Variants in SMC1B observed in about 807,000 individuals in gnomAD.
The protein encoded by SMC1B is structural maintenance of chromosomes protein 1B.
In SMC1B, 60 loss-of-function variants were observed where a neutral mutation model predicts 157.9. The ratio of observed to expected loss-of-function variants is 0.38; its 90% CI spans 0.31 to 0.47. The LOEUF is 0.47. Ranked by LOEUF, SMC1B falls within the 20% of genes least tolerant of loss-of-function variation. SMC1B has a pLI of 0.99. For synonymous variants in SMC1B, 445 were observed against 483.0 expected (o/e 0.92, Z 1.03); for missense variants, 1,165 against 1,426.2 (o/e 0.82, Z 2.95).
chr22:45,368,722 G>T (rs567400442), intron 15 of SMC1B, among the ~76,000 whole-genome samples: 1 of 115,996 alleles, frequency 8.6e-6, no homozygotes, highest in East Asian at 2.5e-4. Context: ...TTACCATCTT[G>T]GCCAGGCTGG....
rs559398011 is a variant in SMC1B, at chr22:45,407,270, C to G, written c.299-405G>C. Reference sequence around the variant, plus strand: ...AACAGCAACAAAAACTGCATGCCTCCCTCACAATTTACCCACAGGGAAATT... The same window carrying G: ...AACAGCAACAAAAACTGCATGCCTCGCTCACAATTTACCCACAGGGAAATT... On this transcript the variant is annotated intron_variant, in intron 2 of 24. Coordinates refer to ENST00000357450, the MANE Select transcript of SMC1B (RefSeq NM_148674.5). Among the ~76,000 whole-genome samples the G allele has an allele frequency of 3.3e-5, 5 of 152,242 alleles. No homozygotes were observed. The South Asian group carries it at 8.3e-4, about 25-fold the overall frequency.
rs746592181 is a variant in SMC1B, at chr22:45,361,863, C to T, written c.2684G>A (p.Arg895Gln). The stretch of plus-strand genomic sequence containing the variant: ...CCTATCAACAGCCAGAAACTTCTTC[C>T]GTTCCTCTTCAATTTGAGTTTGAAC... ...EKVQTQIEEE[R>Q]KKFLAVDREV... Residue 895 changes from arginine (R) to glutamine (Q), a missense_variant, in exon 17 of 25, where the codon CGG (arginine) becomes CAG (glutamine). Arg to Gln is a conservative substitution (Grantham distance 43). Coordinates refer to ENST00000357450, the MANE Select transcript of SMC1B (RefSeq NM_148674.5). The T allele has an allele frequency of 1.4e-5, 23 of 1,613,810 alleles. No individual in the cohort carries two copies. Among genetic ancestry groups the T allele is most frequent in the Middle Eastern group, 1.6e-4 (1 of 6,084 alleles).
chr22:45,358,102 C>T (rs887960636), intron 19 of SMC1B, among the ~76,000 whole-genome samples: 1 of 152,332 alleles, frequency 6.6e-6, no homozygotes, highest in Non-Finnish European at 1.5e-5. Context: ...TTGGTGACCA[C>T]ACAAGAGATG....
chr22:45,395,242 G>A (rs2087109754), intron 7 of SMC1B, among the ~76,000 whole-genome samples: 3 of 152,162 alleles, frequency 2.0e-5, no homozygotes, highest in Admixed American at 1.3e-4. Context: ...GTGGTTTTGT[G>A]TTATAATAAT....
intron 4 of SMC1B, among the ~76,000 whole-genome samples, chr22:45,405,362 C>T (rs768034071): frequency 1.3e-5 from 2 of 151,792 alleles, no homozygotes; most frequent in Non-Finnish European, 2.9e-5. Flanking sequence ...AGAATGAGAC[C>T]ACGGTGAAAC....
At chr22:45,398,169 C>T (rs1276578022) in intron 6 of SMC1B, among the ~76,000 whole-genome samples, 1 of 152,200 alleles carries the variant, frequency 6.6e-6, no homozygotes, top group Non-Finnish European at 1.5e-5. Flanking sequence ...CTGTAACACC[C>T]CCTCTGGGGC....
intron 2 of SMC1B, among the ~76,000 whole-genome samples, chr22:45,408,074 C>A (rs543851892): frequency 6.6e-6 from 1 of 152,186 alleles, no homozygotes; most frequent in South Asian, 2.1e-4. Flanking sequence ...ACATAAAGAA[C>A]CTCAAGAATA....
intron 5 of SMC1B, among the ~76,000 whole-genome samples, chr22:45,401,845 G>T (rs1033871323): frequency 2.2e-5 from 2 of 91,594 alleles, no homozygotes; most frequent in East Asian, 7.1e-4. Context: ...ATGAACCTCG[G>T]GTATTACCCC....
chr22:45,398,051 C>T (rs1602090863), intron 6 of SMC1B, among the ~76,000 whole-genome samples: 1 of 152,154 alleles, frequency 6.6e-6, no homozygotes, highest in Non-Finnish European at 1.5e-5. Context: ...GCCGAGCAAG[C>T]CCCAGAGCTG....
Position 45,362,899 on chromosome 22 carries a change from C to T in SMC1B, c.2548G>A (p.Asp850Asn). The T allele has an allele frequency of 6.3e-7, 1 of 1,592,950 alleles. No individual in the cohort carries two copies. The change falls in exon 16 of 25, where the codon GAT (aspartate) becomes AAT (asparagine). Residue 850 changes from aspartate (D) to asparagine (N), a missense_variant. Physicochemically the swap from Asp to Asn is conservative, Grantham distance 23. Transcript: ENST00000357450. Reference protein sequence around the residue: ...ETIQKGSEDIDHLKKAEENCL... With the variant: ...ETIQKGSEDINHLKKAEENCL... ...TTATTAATTACCTTCTTTAGGTGAT[C>T]AATATCTTCACTACCTTTCTGGATA... is the stretch of plus-strand genomic sequence containing the variant.
intron 12 of SMC1B, among the ~76,000 whole-genome samples, chr22:45,374,846 TCCC>T (rs1461496717): frequency 1.6e-4 from 24 of 152,146 alleles, no homozygotes; most frequent in Non-Finnish European, 2.8e-4. Context: ...CTTCCTTCCT[TCCC>T]CTATTTTCAC....
intron 23 of SMC1B, among the ~76,000 whole-genome samples, chr22:45,346,596 G>A (rs1480869087): frequency 2.0e-5 from 3 of 152,220 alleles, no homozygotes; most frequent in African/African-American, 4.8e-5. Flanking sequence ...TGAGGAATGA[G>A]TGGCCATGTT....
chr22:45,412,764 G>A (rs1456100696), intron 1 of SMC1B, among the ~76,000 whole-genome samples: 2 of 152,144 alleles, frequency 1.3e-5, no homozygotes, highest in African/African-American at 2.4e-5. Flanking sequence ...GCAGCCATGC[G>A]CCATGGCTAA....
At chr22:45,383,406 C>T in intron 12 of SMC1B, 61 bp downstream of exon 12, 1 of 1,308,820 alleles carries the variant, frequency 7.6e-7, no homozygotes, top group Non-Finnish European at 1.0e-6. Context: ...AAAAAACCCA[C>T]CTAGTTTAAA....
chr22:45,392,417 T>A (rs954220247), intron 9 of SMC1B, among the ~76,000 whole-genome samples: 26 of 151,760 alleles, frequency 1.7e-4, no homozygotes, highest in African/African-American at 2.7e-4. Flanking sequence ...TTTTTTTTTT[T>A]AAATCCTAGA....
chr22:45,351,145 T>C (rs2146758594), intron 22 of SMC1B, among the ~76,000 whole-genome samples: 1 of 152,338 alleles, frequency 6.6e-6, no homozygotes, highest in East Asian at 1.9e-4. Context: ...TTCCCTGCTT[T>C]TTTTCTCTAT....
chr22:45,411,957 C>A (rs1225310718), intron 1 of SMC1B, among the ~76,000 whole-genome samples: 2 of 152,136 alleles, frequency 1.3e-5, no homozygotes, highest in African/African-American at 4.8e-5. Flanking sequence ...TGGCTCACTG[C>A]AACCTCCGCC....
rs1311026677 is a variant in SMC1B, at chr22:45,387,049, A to G, written c.1732-3T>C. The G allele has an allele frequency of 6.2e-7, 1 of 1,606,292 alleles. No homozygotes were observed. The stretch of plus-strand genomic sequence containing the variant: ...AGTCTTTCATTGATTGGCTTGATCT[A>G]AAGGGTTTTAAAATATTTAACATGT... On this transcript the variant is annotated splice_polypyrimidine_tract_variant and splice_region_variant and intron_variant, in intron 10 of 24. Coordinates refer to ENST00000357450, the MANE Select transcript of SMC1B (RefSeq NM_148674.5).
chr22:45,394,289 C>A (rs1162403529), intron 8 of SMC1B, among the ~76,000 whole-genome samples: 1 of 152,000 alleles, frequency 6.6e-6, no homozygotes, highest in Non-Finnish European at 1.5e-5. Flanking sequence ...CACGCAACTG[C>A]ACTCCAGTCT....
Sources: allele counts gnomAD v4.1 joint callset (sites outside exome capture counted in the v4.1 genomes callset), GRCh38; gene constraint gnomAD v4.1.1; transcripts MANE v1.5; gene names NCBI Gene and HGNC (gene_info 2026-07-23, HGNC 2026-07-21).